ZBTB16: variants seen among roughly 807,000 people sequenced by gnomAD.
ZBTB16 encodes the protein zinc finger and BTB domain containing 16.
A neutral mutation model predicts 56.8 loss-of-function variants in ZBTB16; 8 were observed. That is an observed-to-expected ratio of 0.14 (90% CI 0.08 to 0.25). The LOEUF (loss-of-function observed/expected upper bound fraction) is 0.25, where lower values mean the gene tolerates loss of function less well. ZBTB16 is among the 10% of genes least tolerant of loss of function. The probability of loss-of-function intolerance (pLI) is 1.00; values close to 1 mark genes in which losing one functional copy is unlikely to be tolerated. For synonymous variants in ZBTB16, 363 were observed against 368.5 expected (o/e 0.98, Z 0.17); for missense variants, 625 against 903.0 (o/e 0.69, Z 3.95).
At position 114,064,371 on chromosome 11, in the gene ZBTB16, C is replaced by G; in HGVS notation, c.1071C>G (p.His357Gln). ...SMPSSVTSGL[H>Q]VQPALAVSMD... is the part of the protein sequence containing the mutation. ...CGTCTTCCGTGACCTCTGGCCTCCA[C>G]GTGCAGCCTGCCCTGGCTGTCTCCA... Residue 357 changes from histidine to glutamine, a missense_variant, in exon 2 of 7, where the codon CAC becomes CAG. Transcript: ENST00000335953. The surrounding 1 kb of genome is among the most constrained non-coding windows in gnomAD (Gnocchi z 4.2). The G allele has an allele frequency of 2.5e-6, 4 of 1,614,082 alleles. No individual in the cohort carries two copies. The highest frequency in any genetic ancestry group is 3.4e-6 in the Non-Finnish European group (4 of 1,180,024).
chr11:114,117,109 A>G (rs1054326601), intron 2 of ZBTB16, among the ~76,000 whole-genome samples: 6 of 152,132 alleles, frequency 3.9e-5, no homozygotes, highest in African/African-American at 1.4e-4. Flanking sequence ...ACCAGAGGGA[A>G]AGGCATTCCA....
At chr11:114,148,410 TCCCTCCCTCC>T (rs1252917892) in intron 2 of ZBTB16, among the ~76,000 whole-genome samples, 2 of 25,588 alleles carry the variant, frequency 7.8e-5, no homozygotes, top group African/African-American at 3.9e-4. Flanking sequence ...CCTCCCTCCC[TCCCTCCCTCC>T]CTCCCTCTCT....
At position 114,156,280 on chromosome 11, in the gene ZBTB16, G is replaced by A. The variant is rs573180791; in HGVS notation, c.1269-57G>A. 18 of 1,573,336 alleles carry A rather than the reference G, an allele frequency of 1.1e-5. No homozygotes were observed. The Admixed American group carries it at 1.7e-4, about 15-fold the overall frequency. ...CTGCCAAGCCCCCAGGTAGGGGATG[G>A]CCCTGCCTCTTGTCCAGCCAGAGCA... On this transcript the variant is annotated intron_variant, in intron 2 of 6. Coordinates refer to ENST00000335953, the MANE Select transcript of ZBTB16 (RefSeq NM_006006.6).
At chr11:114,161,044 C>T (rs925892071) in intron 3 of ZBTB16, among the ~76,000 whole-genome samples, 3 of 152,184 alleles carry the variant, frequency 2.0e-5, no homozygotes, top group Non-Finnish European at 4.4e-5. Flanking sequence ...GGGGATCTGG[C>T]ATTGAAGCAT....
intron 4 of ZBTB16, among the ~76,000 whole-genome samples, chr11:114,205,938 C>T (rs1360407375): frequency 1.3e-5 from 2 of 152,070 alleles, no homozygotes; most frequent in South Asian, 2.1e-4. Context: ...TGAAATGGCT[C>T]GGGATCCCCT....
At chr11:114,199,670 G>A (rs1565681875) in intron 4 of ZBTB16, among the ~76,000 whole-genome samples, 1 of 152,234 alleles carries the variant, frequency 6.6e-6, no homozygotes, top group Admixed American at 6.5e-5. Context: ...AAGGTAGTGT[G>A]TAGGAATTGG....
intron 2 of ZBTB16, among the ~76,000 whole-genome samples, chr11:114,118,451 C>T (rs1360274212): frequency 4.6e-5 from 7 of 152,168 alleles, no homozygotes; most frequent in Admixed American, 2.0e-4. Flanking sequence ...TCTGGGATTA[C>T]AGGTGTGAGC....
chr11:114,132,109 T>C (rs1941676964), intron 2 of ZBTB16, among the ~76,000 whole-genome samples: 2 of 152,178 alleles, frequency 1.3e-5, no homozygotes, highest in South Asian at 4.1e-4. Context: ...TAATGTCAAA[T>C]GTTCTGGAAC....
intron 2 of ZBTB16, among the ~76,000 whole-genome samples, chr11:114,146,054 G>A (rs1942090663): frequency 6.6e-6 from 1 of 152,190 alleles, no homozygotes; most frequent in Non-Finnish European, 1.5e-5. Context: ...TGGGTCAGGA[G>A]CAGCCTGACT....
At chr11:114,123,622 T>G (rs1405218950) in intron 2 of ZBTB16, among the ~76,000 whole-genome samples, 2 of 152,214 alleles carry the variant, frequency 1.3e-5, no homozygotes, top group Non-Finnish European at 2.9e-5. Flanking sequence ...AACACACTCC[T>G]AATGAGCTGC....
chr11:114,210,469 A>T (rs898952583), intron 4 of ZBTB16: 3 of 232,304 alleles, frequency 1.3e-5, no homozygotes, highest in Non-Finnish European at 8.5e-6. Context: ...CGGGATCAGT[A>T]CCATTTCCCC....
At chr11:114,181,592 G>C (rs781770462) in intron 3 of ZBTB16, among the ~76,000 whole-genome samples, 31 of 152,216 alleles carry the variant, frequency 2.0e-4, no homozygotes, top group Admixed American at 3.9e-4. Flanking sequence ...CAGGGAGGCA[G>C]ACAGATAGGC....
At chr11:114,209,568 C>T (rs1943955220) in intron 4 of ZBTB16, 1 of 985,276 alleles carries the variant, frequency 1.0e-6, no homozygotes, top group Admixed American at 6.2e-5. Context: ...AGGTTGTTGA[C>T]ACTTGGACAA....
chr11:114,233,766 T>A (rs1388408971), intron 4 of ZBTB16, among the ~76,000 whole-genome samples: 1 of 152,100 alleles, frequency 6.6e-6, no homozygotes. Context: ...AAATCCCCCA[T>A]GTCCAGGGCG....
chr11:114,109,728 G>C (rs1297529957), intron 2 of ZBTB16, among the ~76,000 whole-genome samples: 1 of 152,106 alleles, frequency 6.6e-6, no homozygotes, highest in African/African-American at 2.4e-5. Flanking sequence ...AACTCAGAGA[G>C]AGCTGTCTGG....
chr11:114,172,576 G>T (rs1942998648), intron 3 of ZBTB16, among the ~76,000 whole-genome samples: 1 of 152,184 alleles, frequency 6.6e-6, no homozygotes, highest in African/African-American at 2.4e-5. Flanking sequence ...CGGCAAAGTT[G>T]TTTCCATCCC....
In ZBTB16 at chr11:114,227,863, T is replaced by C. The variant is rs540419771; in HGVS notation, c.1454-14304T>C. Reference sequence around the variant, plus strand: ...AATTTTTTAATTTTGGTAAATTATATGTAATGCAAAATTTGCATTTTTAAC... The same window carrying C: ...AATTTTTTAATTTTGGTAAATTATACGTAATGCAAAATTTGCATTTTTAAC... On this transcript the variant is annotated intron_variant, in intron 4 of 6. Coordinates refer to ENST00000335953, the MANE Select transcript of ZBTB16 (RefSeq NM_006006.6). Among the ~76,000 whole-genome samples the C allele has an allele frequency of 2.0e-5, 3 of 152,382 alleles. No homozygotes were observed. The South Asian group carries it at 6.2e-4, about 32-fold the overall frequency.
At chr11:114,231,150 G>C (rs986378760) in intron 4 of ZBTB16, among the ~76,000 whole-genome samples, 7 of 152,194 alleles carry the variant, frequency 4.6e-5, no homozygotes. Context: ...GAGTCCTGGG[G>C]ATAACTTATT....
At chr11:114,148,421 C>CTG (rs1942181979) in intron 2 of ZBTB16, among the ~76,000 whole-genome samples, 1 of 33,578 alleles carries the variant, frequency 3.0e-5, no homozygotes, top group African/African-American at 2.1e-4. Flanking sequence ...CCCTCCCTCC[C>CTG]TCCCTCTCTC....
Sources: allele counts gnomAD v4.1 joint callset (sites outside exome capture counted in the v4.1 genomes callset), GRCh38; gene constraint gnomAD v4.1.1; non-coding constraint Gnocchi (gnomAD v3.1); transcripts MANE v1.5; gene names NCBI Gene and HGNC (gene_info 2026-07-23, HGNC 2026-07-21).